PRKG1: variants seen among roughly 807,000 people sequenced by gnomAD.
PRKG1 encodes the protein protein kinase cGMP-dependent 1.
PRKG1 carries 35 observed loss-of-function variants against 88.1 expected under a neutral mutation model. That is an observed-to-expected ratio of 0.40 (90% CI 0.30 to 0.53). The LOEUF is 0.53. Among genes scored for constraint, PRKG1 ranks in the 20% least tolerant of loss-of-function variants. The pLI is 0.59. For synonymous variants in PRKG1, 303 were observed against 292.5 expected (o/e 1.04, Z -0.37); for missense variants, 540 against 839.8 (o/e 0.64, Z 4.41).
At chr10:52,073,206 G>A (rs1846545286) in intron 7 of PRKG1, among the ~76,000 whole-genome samples, 1 of 152,154 alleles carries the variant, frequency 6.6e-6, no homozygotes, top group African/African-American at 2.4e-5. Flanking sequence ...GAGAACACCA[G>A]TCATTGAATG....
intron 2 of PRKG1, among the ~76,000 whole-genome samples, chr10:51,354,646 A>G (rs2132573408): frequency 6.6e-6 from 1 of 152,222 alleles, no homozygotes; most frequent in South Asian, 2.1e-4. Context: ...TAGATGTCCT[A>G]ATTTATTCTC....
chr10:51,409,698 C>CA (rs1464237469), intron 2 of PRKG1, among the ~76,000 whole-genome samples: 1 of 151,234 alleles, frequency 6.6e-6, no homozygotes, highest in Non-Finnish European at 1.5e-5. Flanking sequence ...ACTAAAAATG[C>CA]AAAAAAATTA....
intron 8 of PRKG1, among the ~76,000 whole-genome samples, chr10:52,134,847 C>A (rs893977869): frequency 2.6e-5 from 4 of 152,138 alleles, no homozygotes; most frequent in African/African-American, 9.7e-5. Flanking sequence ...CCCTTCTATG[C>A]TGGATCACTA....
At chr10:51,849,256 T>C (rs1840484607) in intron 4 of PRKG1, among the ~76,000 whole-genome samples, 1 of 152,268 alleles carries the variant, frequency 6.6e-6, no homozygotes, top group Non-Finnish European at 1.5e-5. Flanking sequence ...CAAACAGGCA[T>C]GAGTTTGAAT....
intron 2 of PRKG1, among the ~76,000 whole-genome samples, chr10:51,235,666 A>G (rs993946873): frequency 6.6e-6 from 1 of 152,190 alleles, no homozygotes; most frequent in African/African-American, 2.4e-5. Context: ...TTTTTGTTAC[A>G]CAGAGATTTT....
chr10:52,238,231 A>T (rs1233419039), intron 9 of PRKG1, among the ~76,000 whole-genome samples: 1 of 123,412 alleles, frequency 8.1e-6, no homozygotes, highest in Non-Finnish European at 1.7e-5. Context: ...AAGAAAACCT[A>T]GGCATTACCA....
intron 3 of PRKG1, among the ~76,000 whole-genome samples, chr10:51,480,340 A>G (rs1366889545): frequency 1.3e-5 from 2 of 152,194 alleles, no homozygotes; most frequent in African/African-American, 4.8e-5. Context: ...AAAGTAAACC[A>G]TTTTATAACC....
chr10:52,123,121 C>A (rs1564478764), intron 7 of PRKG1, among the ~76,000 whole-genome samples: 1 of 152,104 alleles, frequency 6.6e-6, no homozygotes, highest in East Asian at 1.9e-4. Flanking sequence ...CTGAAGAATG[C>A]CATAGAAAGT....
At chr10:51,278,570 A>G (rs945291823) in intron 2 of PRKG1, among the ~76,000 whole-genome samples, 8 of 152,144 alleles carry the variant, frequency 5.3e-5, no homozygotes, top group African/African-American at 1.9e-4. Context: ...TTCGGCTGTG[A>G]ATCCATCTGG....
intron 5 of PRKG1, among the ~76,000 whole-genome samples, chr10:51,954,873 C>T (rs1021870428): frequency 4.6e-5 from 7 of 152,156 alleles, no homozygotes; most frequent in African/African-American, 1.7e-4. Flanking sequence ...AGTGTAATCA[C>T]CTCCCAACCA....
At chr10:51,910,850 T>C (rs550996958) in intron 5 of PRKG1, 21 of 152,342 alleles carry the variant, frequency 1.4e-4, no homozygotes, top group African/African-American at 4.6e-4. Context: ...CAATGGCCAG[T>C]GAGAAGTGGT....
chr10:51,143,770 G>T (rs1336428528), intron 1 of PRKG1, among the ~76,000 whole-genome samples: 1 of 151,902 alleles, frequency 6.6e-6, no homozygotes, highest in Non-Finnish European at 1.5e-5. Context: ...ATTTTATTTT[G>T]TTGAGAAGTG....
At chr10:52,003,745 A>C (rs1002029373) in intron 5 of PRKG1, among the ~76,000 whole-genome samples, 1 of 152,210 alleles carries the variant, frequency 6.6e-6, no homozygotes, top group African/African-American at 2.4e-5. Context: ...TATAGGAGAC[A>C]CAGAGAGATA....
intron 3 of PRKG1, among the ~76,000 whole-genome samples, chr10:51,630,390 A>G (rs1839492736): frequency 6.6e-6 from 1 of 152,186 alleles, no homozygotes; most frequent in Non-Finnish European, 1.5e-5. Flanking sequence ...ATAGACTCAG[A>G]CTGAGAAGCA....
At chr10:51,259,489 T>G (rs1162956183) in intron 2 of PRKG1, among the ~76,000 whole-genome samples, 1 of 152,212 alleles carries the variant, frequency 6.6e-6, no homozygotes, top group Admixed American at 6.5e-5. Context: ...TTTTGTTTTT[T>G]TGAGATGGAG....
At chr10:51,115,893 G>C (rs1390698463) in intron 1 of PRKG1, among the ~76,000 whole-genome samples, 2 of 150,898 alleles carry the variant, frequency 1.3e-5, no homozygotes, top group African/African-American at 4.9e-5. Flanking sequence ...TTTAAGAATT[G>C]TCATAGTGCA....
At chr10:51,210,982 G>A (rs1252265303) in intron 2 of PRKG1, among the ~76,000 whole-genome samples, 1 of 152,152 alleles carries the variant, frequency 6.6e-6, no homozygotes, top group Non-Finnish European at 1.5e-5. Context: ...GCATCATCCT[G>A]ATACCAAAGC....
At chr10:51,553,928 G>T (rs960803137) in intron 3 of PRKG1, among the ~76,000 whole-genome samples, 2 of 134,338 alleles carry the variant, frequency 1.5e-5, no homozygotes, top group African/African-American at 5.7e-5. Context: ...TATAATATAT[G>T]TATGTATTAG....
chr10:51,619,228 G>T (rs553463462), intron 3 of PRKG1, among the ~76,000 whole-genome samples: 1 of 152,100 alleles, frequency 6.6e-6, no homozygotes, highest in Non-Finnish European at 1.5e-5. Flanking sequence ...GTAATTGAAG[G>T]TTTCAAGGAA....
Sources: gnomAD v4.1 joint callset for allele counts (sites outside exome capture counted in the v4.1 genomes callset) on GRCh38, gnomAD v4.1.1 for gene constraint, MANE v1.5 for transcripts, NCBI Gene and HGNC (gene_info 2026-07-23, HGNC 2026-07-21) for gene names.